The following PRKCE variants were observed in gnomAD, a reference collection of about 807,000 sequenced individuals.
PRKCE encodes the protein protein kinase C epsilon, also known as protein kinase C epsilon type.
PRKCE carries 16 observed loss-of-function variants against 85.4 expected under a neutral mutation model. The ratio of observed to expected loss-of-function variants is 0.19; its 90% CI spans 0.13 to 0.28. The LOEUF (loss-of-function observed/expected upper bound fraction) is 0.28, where lower values mean the gene tolerates loss of function less well. Ranked by LOEUF, PRKCE falls within the 10% of genes least tolerant of loss-of-function variation. The pLI is 1.00. For missense variants in PRKCE, 573 were observed against 975.2 expected, an observed-to-expected ratio of 0.59 and a Z score of 5.49; for synonymous variants, 388 against 371.5, an observed-to-expected ratio of 1.04 and a Z score of -0.51.
At chr2:46,141,880 G>C (rs992262472) in intron 11 of PRKCE, among the ~76,000 whole-genome samples, 5 of 152,086 alleles carry the variant, frequency 3.3e-5, no homozygotes, top group African/African-American at 9.7e-5. Flanking sequence ...AACACCATGG[G>C]AACTCTCAGG....
chr2:46,187,578 A>T lies in PRKCE; in HGVS notation c.*2697A>T, dbSNP rs1477850433. 6.6e-6 allele frequency: 1 copy of T among 152,402 alleles called. No homozygotes were observed. Among genetic ancestry groups the T allele is most frequent in the Admixed American group, 6.6e-5 (1 of 15,222 alleles). The allele number at this position is 152,402 out of a possible 1,614,324, so 9.4% of individuals were successfully genotyped here. On this transcript the variant is annotated 3_prime_UTR_variant, in exon 15 of 15. Transcript: ENST00000306156. Reference sequence around the variant, plus strand: ...CTCTCTCTCTCTCAAAGAAAAAAAAAATGGGAGTGCAAAAAAAACAAAGCC... The same window carrying T: ...CTCTCTCTCTCTCAAAGAAAAAAAATATGGGAGTGCAAAAAAAACAAAGCC...
At chr2:45,894,622 G>A (rs1446374369) in intron 2 of PRKCE, among the ~76,000 whole-genome samples, 3 of 151,964 alleles carry the variant, frequency 2.0e-5, no homozygotes, top group East Asian at 1.9e-4. Flanking sequence ...ATGTGTTGAC[G>A]GTGCATGTGA....
At chr2:46,125,192 G>A (rs1301232203) in intron 11 of PRKCE, among the ~76,000 whole-genome samples, 2 of 152,168 alleles carry the variant, frequency 1.3e-5, no homozygotes, top group African/African-American at 4.8e-5. Flanking sequence ...AAGAGCATTT[G>A]GGAAAATGAA....
chr2:46,180,202 G>C (rs566353572), intron 14 of PRKCE, among the ~76,000 whole-genome samples: 69 of 152,292 alleles, frequency 4.5e-4, no homozygotes, highest in African/African-American at 1.7e-3. Flanking sequence ...CTGAAGAAAG[G>C]GCATGTACAT....
chr2:45,908,592 A>T (rs1183130252), intron 2 of PRKCE, among the ~76,000 whole-genome samples: 1 of 152,142 alleles, frequency 6.6e-6, no homozygotes, highest in Non-Finnish European at 1.5e-5. Context: ...TGTGGACCTC[A>T]TCTGAGGGGC....
chr2:45,887,666 A>T (rs192900279), intron 2 of PRKCE, among the ~76,000 whole-genome samples: 1 of 152,128 alleles, frequency 6.6e-6, no homozygotes, highest in Non-Finnish European at 1.5e-5. Context: ...GAACCATGCC[A>T]CATCAGCTAT....
intron 1 of PRKCE, among the ~76,000 whole-genome samples, chr2:45,738,402 C>T (rs1324863746): frequency 6.6e-6 from 1 of 152,224 alleles, no homozygotes; most frequent in African/African-American, 2.4e-5. Context: ...TCCTTCCTCT[C>T]TGCCTTTGCT....
intron 1 of PRKCE, among the ~76,000 whole-genome samples, chr2:45,657,141 G>A (rs762241337): frequency 3.3e-5 from 5 of 152,160 alleles, no homozygotes; most frequent in Non-Finnish European, 7.3e-5. Flanking sequence ...TTTCCTCTTT[G>A]TTCTACTGCC....
At chr2:45,832,739 A>G (rs1254199194) in intron 1 of PRKCE, among the ~76,000 whole-genome samples, 4 of 152,188 alleles carry the variant, frequency 2.6e-5, no homozygotes, top group Non-Finnish European at 5.9e-5. Flanking sequence ...ACCTATTGGA[A>G]GCATTGGGTC....
chr2:46,076,501 T>C (rs1387706428), intron 10 of PRKCE, among the ~76,000 whole-genome samples: 1 of 152,226 alleles, frequency 6.6e-6, no homozygotes, highest in East Asian at 1.9e-4. Flanking sequence ...ATTTGAGTTT[T>C]ATTGGGTGAG....
chr2:45,922,480 C>G (rs1308530290), intron 2 of PRKCE, among the ~76,000 whole-genome samples: 1 of 152,178 alleles, frequency 6.6e-6, no homozygotes, highest in Non-Finnish European at 1.5e-5. Flanking sequence ...AGGGGGTCAA[C>G]TGCCCTCCCT....
intron 1 of PRKCE, among the ~76,000 whole-genome samples, chr2:45,832,313 CTTTT>C (rs10692501): frequency 2.9e-5 from 4 of 137,962 alleles, no homozygotes; most frequent in African/African-American, 1.1e-4. Flanking sequence ...CAAGGAGCAA[CTTTT>C]TTTTTTTTTT....
intron 3 of PRKCE, 56 bp from the exon 4 acceptor site, chr2:45,978,919 GT>G: frequency 6.4e-7 from 1 of 1,554,958 alleles, no homozygotes; most frequent in Non-Finnish European, 8.8e-7. Context: ...TTTTCTGTTT[GT>G]TTTTTGACCT....
In PRKCE at chr2:46,001,273, T is replaced by TATATATA; in HGVS notation, c.824-131_824-130insATATATA. The TATATATA allele has an allele frequency of 2.2e-6, 1 of 450,100 alleles. No homozygotes were observed. The highest frequency in any genetic ancestry group is 2.9e-5 in the African/African-American group (1 of 34,654). 27.9% of individuals were successfully genotyped at this position (450,100 alleles called of 1,614,324 possible). A position where few individuals can be genotyped will look rare whatever the true frequency, so the allele number is the denominator to read the frequency against. The stretch of plus-strand genomic sequence containing the variant: ...AAGACATATATATATATATATATAT[T>TATATATA]TCTGTATTTTCCAAATTATATCTTA... On this transcript the variant is annotated intron_variant, in intron 6 of 14. Transcript: ENST00000306156. This position sits in a 1 kb window ranked among gnomAD's most constrained non-coding sequence, Gnocchi z 4.4.
chr2:45,689,993 A>T (rs571199910), intron 1 of PRKCE, among the ~76,000 whole-genome samples: 1 of 152,286 alleles, frequency 6.6e-6, no homozygotes, highest in South Asian at 2.1e-4. Flanking sequence ...CCTTCCAGAA[A>T]TACTCTGTGC....
At chr2:45,764,724 A>T (rs895071963) in intron 1 of PRKCE, among the ~76,000 whole-genome samples, 5 of 152,198 alleles carry the variant, frequency 3.3e-5, no homozygotes, top group African/African-American at 1.2e-4. Context: ...TCAAATTATT[A>T]CTTCCATGCC....
chr2:45,782,783 T>TCA (rs1032753330), intron 1 of PRKCE, among the ~76,000 whole-genome samples: 6 of 150,068 alleles, frequency 4.0e-5, no homozygotes, highest in South Asian at 2.1e-4. Context: ...ACACACACAC[T>TCA]CACACACACA....
At chr2:45,910,494 A>C (rs58340453) in intron 2 of PRKCE, among the ~76,000 whole-genome samples, 1,529 of 152,342 alleles carry the variant, frequency 0.01, 36 homozygotes, top group African/African-American at 0.035. Flanking sequence ...GGAGCACCTT[A>C]CATGGGAGTA....
intron 1 of PRKCE, among the ~76,000 whole-genome samples, chr2:45,681,559 C>T (rs1364978977): frequency 3.3e-5 from 5 of 152,270 alleles, no homozygotes; most frequent in African/African-American, 1.2e-4. Flanking sequence ...GGTGCTTCCA[C>T]CTGTGATTAA....
Sources: allele counts gnomAD v4.1 joint callset (sites outside exome capture counted in the v4.1 genomes callset), GRCh38; gene constraint gnomAD v4.1.1; non-coding constraint Gnocchi (gnomAD v3.1); transcripts MANE v1.5; gene names NCBI Gene and HGNC (gene_info 2026-07-23, HGNC 2026-07-21).